Variants in FGFR2 observed in about 807,000 individuals in gnomAD.
FGFR2 encodes fibroblast growth factor receptor 2, also known as BEK fibroblast growth factor receptor.
A neutral mutation model predicts 95.9 loss-of-function variants in FGFR2; 19 were observed. The observed-to-expected ratio is 0.20, with a 90% CI of 0.14 to 0.29. The LOEUF is 0.29. FGFR2 is among the 10% of genes least tolerant of loss of function. The probability of loss-of-function intolerance (pLI) is 1.00; values close to 1 mark genes in which losing one functional copy is unlikely to be tolerated. For synonymous variants in FGFR2, 392 were observed against 393.3 expected, an observed-to-expected ratio of 1.00 and a Z score of 0.04; for missense variants, 707 against 1,056.9, an observed-to-expected ratio of 0.67 and a Z score of 4.59.
chr10:121,524,123 C>T (rs1850963881), intron 6 of FGFR2, among the ~76,000 whole-genome samples: 1 of 148,482 alleles, frequency 6.7e-6, no homozygotes, highest in African/African-American at 2.4e-5. Flanking sequence ...CACACACACA[C>T]ACACACACAC....
At chr10:121,487,280 A>G in intron 15 of FGFR2, 74 bp downstream of exon 15, 1 of 1,204,976 alleles carries the variant, frequency 8.3e-7, no homozygotes, top group Non-Finnish European at 1.2e-6. Context: ...CTAAAGAAGG[A>G]AGAAAGGTGA....
chr10:121,530,819 G>A (rs142660644), intron 6 of FGFR2, among the ~76,000 whole-genome samples: 1 of 152,128 alleles, frequency 6.6e-6, no homozygotes, highest in African/African-American at 2.4e-5. Context: ...TAGAAACCTC[G>A]CTAAGTTCCA....
Position 121,479,227 on chromosome 10 carries a change from A to G in FGFR2, c.*630T>C, listed in dbSNP as rs975440214. 1.7e-5 allele frequency: 4 copies of G among 234,252 alleles called. No individual in the cohort carries two copies. Among genetic ancestry groups the G allele is most frequent in the Admixed American group, 5.6e-5 (1 of 17,784 alleles). The allele number at this position is 234,252 out of a possible 1,614,324, so 14.5% of individuals were successfully genotyped here. A position where few individuals can be genotyped will look rare whatever the true frequency, so the allele number is the denominator to read the frequency against. On this transcript the variant is annotated 3_prime_UTR_variant, in exon 18 of 18. Coordinates refer to ENST00000358487, the MANE Select transcript of FGFR2 (RefSeq NM_000141.5). ...AACTATAAATGATTAATTGTTTTGT[A>G]TATTACCAATTTATTAATAAATTAA...
At chr10:121,487,620 A>G (rs778389827) in intron 14 of FGFR2, among the ~76,000 whole-genome samples, 196 bp from the exon 15 acceptor site, 1 of 152,184 alleles carries the variant, frequency 6.6e-6, no homozygotes, top group Non-Finnish European at 1.5e-5. Context: ...ATAAAATGCC[A>G]TCTCCTTGGA....
In FGFR2 at chr10:121,545,973, T is replaced by C. The variant is rs116440998; in HGVS notation, c.624+5317A>G. On this transcript the variant is annotated intron_variant, in intron 5 of 17. Transcript: ENST00000358487. Reference sequence around the variant, plus strand: ...ACAGTCACGTTGAATGAGCCCTCTGTCCTGCGATCTCTCTTGGTCTATGCA... The same window carrying C: ...ACAGTCACGTTGAATGAGCCCTCTGCCCTGCGATCTCTCTTGGTCTATGCA... 8.7e-3 allele frequency among the ~76,000 whole-genome samples: 1,317 copies of C among 152,244 alleles called. 16 individuals carry two copies. Among genetic ancestry groups the C allele is most frequent in the African/African-American group, 0.031 (1,269 of 41,530 alleles).
chr10:121,568,038 G>A (rs1857965742), intron 2 of FGFR2, among the ~76,000 whole-genome samples: 1 of 152,234 alleles, frequency 6.6e-6, no homozygotes, highest in Non-Finnish European at 1.5e-5. Flanking sequence ...GGCTGGTTAA[G>A]TCAAAATGCG....
chr10:121,496,490 T>C lies in FGFR2; in HGVS notation c.1863+42A>G, dbSNP rs774322598. The C allele has an allele frequency of 2.5e-6, 4 of 1,599,116 alleles. No homozygotes were observed. The South Asian group carries it at 3.3e-5, about 13-fold the overall frequency. ...TGCCTGTTTTCTTTAAAGACATTTT[T>C]AGTTGGATTCCACCCAGCCAAGTAG... On this transcript the variant is annotated intron_variant, in intron 13 of 17. Coordinates refer to ENST00000358487, the MANE Select transcript of FGFR2 (RefSeq NM_000141.5).
chr10:121,536,006 C>A (rs1233147162), intron 6 of FGFR2, among the ~76,000 whole-genome samples: 1 of 152,204 alleles, frequency 6.6e-6, no homozygotes, highest in Non-Finnish European at 1.5e-5. Flanking sequence ...AAGAATGGGA[C>A]TTCGCTTTCA....
intron 9 of FGFR2, among the ~76,000 whole-genome samples, chr10:121,510,659 CT>C (rs1355612500): frequency 6.6e-6 from 1 of 152,104 alleles, no homozygotes; most frequent in Non-Finnish European, 1.5e-5. Context: ...TCACACATTC[CT>C]CCCCCGAGGC....
chr10:121,548,718 T>G (rs1360961323), intron 5 of FGFR2, among the ~76,000 whole-genome samples: 1 of 152,164 alleles, frequency 6.6e-6, no homozygotes, highest in East Asian at 1.9e-4. Context: ...CACCAGGATT[T>G]TGACCACCAT....
chr10:121,506,581 CGT>C (rs1474743907), intron 9 of FGFR2, among the ~76,000 whole-genome samples: 1 of 152,086 alleles, frequency 6.6e-6, no homozygotes, highest in Non-Finnish European at 1.5e-5. Flanking sequence ...TCCTGGATGA[CGT>C]TAACACCCAG....
chr10:121,573,814 C>CGGGAA (rs1045178072), intron 2 of FGFR2, among the ~76,000 whole-genome samples: 8 of 152,026 alleles, frequency 5.3e-5, no homozygotes, highest in Non-Finnish European at 1.0e-4. Flanking sequence ...AGGAGCGCTG[C>CGGGAA]GGGAAGGGTA....
intron 2 of FGFR2, among the ~76,000 whole-genome samples, chr10:121,581,678 G>A (rs992825216): frequency 6.6e-6 from 1 of 150,568 alleles, no homozygotes; most frequent in South Asian, 2.1e-4. Context: ...CTTGAGCCCA[G>A]GAGGTCCAGG....
chr10:121,489,114 C>T (rs1845798478), intron 13 of FGFR2, among the ~76,000 whole-genome samples: 1 of 151,992 alleles, frequency 6.6e-6, no homozygotes, highest in Admixed American at 6.6e-5. Context: ...TCCTTGTCGC[C>T]CAGGCTGGAG....
chr10:121,496,321 C>T lies in FGFR2; in HGVS notation c.1863+211G>A, dbSNP rs60279558. ...TCAAAGAAGAGGTATCTTTTCTGCT[C>T]ATCTCTGCAGCGATGCTATAGGTTT... On this transcript the variant is annotated intron_variant, in intron 13 of 17. Coordinates refer to ENST00000358487, the MANE Select transcript of FGFR2 (RefSeq NM_000141.5). 2.8e-3 allele frequency among the ~76,000 whole-genome samples: 422 copies of T among 152,286 alleles called. 1 individual carries two copies. Among genetic ancestry groups the T allele is most frequent in the African/African-American group, 9.8e-3 (407 of 41,566 alleles).
At chr10:121,510,050 C>A (rs146878095) in intron 9 of FGFR2, among the ~76,000 whole-genome samples, 1 of 152,264 alleles carries the variant, frequency 6.6e-6, no homozygotes, top group East Asian at 1.9e-4. Flanking sequence ...CACCACTCCC[C>A]TATGGCCAAA....
chr10:121,560,615 C>CAA (rs34753296), intron 4 of FGFR2, among the ~76,000 whole-genome samples: 1,698 of 51,786 alleles, frequency 0.033, 249 homozygotes, highest in African/African-American at 0.061. Flanking sequence ...ACTCCGTCCC[C>CAA]AAAAAAAAAA....
At chr10:121,579,492 T>G (rs903404061) in intron 2 of FGFR2, among the ~76,000 whole-genome samples, 1 of 152,222 alleles carries the variant, frequency 6.6e-6, no homozygotes, top group Non-Finnish European at 1.5e-5. Context: ...TCCTGGAATG[T>G]TCCCAGAGAC....
chr10:121,568,776 A>G (rs1858090805), intron 2 of FGFR2, among the ~76,000 whole-genome samples: 1 of 152,218 alleles, frequency 6.6e-6, no homozygotes, highest in Non-Finnish European at 1.5e-5. Flanking sequence ...TAAAATCAGT[A>G]AACCCCAAAA....
Sources: allele counts gnomAD v4.1 joint callset (sites outside exome capture counted in the v4.1 genomes callset), GRCh38; gene constraint gnomAD v4.1.1; transcripts MANE v1.5; gene names NCBI Gene and HGNC (gene_info 2026-07-23, HGNC 2026-07-21).